BAZ2A: variants seen among roughly 807,000 people sequenced by gnomAD.
The protein encoded by BAZ2A is bromodomain adjacent to zinc finger domain protein 2A.
Under a neutral mutation model 199.9 loss-of-function variants are expected in BAZ2A, and 34 were observed. That is an observed-to-expected ratio of 0.17 (90% CI 0.13 to 0.23). BAZ2A has a LOEUF of 0.23. Among genes scored for constraint, BAZ2A ranks in the 10% least tolerant of loss-of-function variants. The pLI is 1.00. For synonymous variants in BAZ2A, 857 were observed against 883.9 expected, an observed-to-expected ratio of 0.97 and a Z score of 0.54; for missense variants, 2,002 against 2,391.1, an observed-to-expected ratio of 0.84 and a Z score of 3.39.
At position 56,602,171 on chromosome 12, in the gene BAZ2A, T is replaced by C. The variant is rs1329331820; in HGVS notation, c.3446A>G (p.Lys1149Arg). 2 of 1,586,958 alleles carry C rather than the reference T, an allele frequency of 1.3e-6. No individual in the cohort carries two copies. Among genetic ancestry groups the C allele is most frequent in the Non-Finnish European group, 1.7e-6 (2 of 1,165,948 alleles). ...GNLVPEEVIK[K>R]ETDSLKVAAH... ...TGCCACTTTTAAGGAGTCAGTTTCC[T>C]TCTTTATCACCTCCTCAGGAACTGT... is the stretch of plus-strand genomic sequence containing the variant. The change falls in exon 20 of 29, where the codon AAG (lysine) becomes AGG (arginine). Residue 1149 changes from lysine to arginine, a missense_variant. Physicochemically the swap from Lys to Arg is conservative, Grantham distance 26. This residue lies in a region of BAZ2A where 1,081 missense variants were observed against 1,274.7 expected (regional missense o/e 0.85). Coordinates refer to ENST00000549884, the MANE Select transcript of BAZ2A (RefSeq NM_001300905.2).
chr12:56,611,419 C>T (rs1950553287), intron 7 of BAZ2A, 154 bp downstream of exon 7: 1 of 735,722 alleles, frequency 1.4e-6, no homozygotes, highest in Non-Finnish European at 2.3e-6. Context: ...AATCTCATGC[C>T]AAGAAACATT....
intron 1 of BAZ2A, among the ~76,000 whole-genome samples, chr12:56,623,790 T>C (rs1950998694): frequency 6.6e-6 from 1 of 152,178 alleles, no homozygotes; most frequent in Non-Finnish European, 1.5e-5. Context: ...GCCCACGTTA[T>C]CAATAGTGCC....
upstream of BAZ2A, chr12:56,638,140 T>C (rs1951484466): frequency 1.2e-5 from 7 of 581,148 alleles, no homozygotes; most frequent in Admixed American, 2.2e-4. Flanking sequence ...CCTTCAGTGT[T>C]GACTATGTTG....
Position 56,601,831 on chromosome 12 carries a change from G to A in BAZ2A, c.3786C>T (p.Leu1262=), listed in dbSNP as rs759593022. The A allele has an allele frequency of 3.7e-6, 6 of 1,614,030 alleles. No homozygotes were observed. The highest frequency in any genetic ancestry group is 1.1e-5 in the South Asian group (1 of 91,088). Residue 1262 remains leucine, a synonymous_variant, in exon 20 of 29, where the codon CTC becomes CTT. Coordinates refer to ENST00000549884, the MANE Select transcript of BAZ2A (RefSeq NM_001300905.2). ...PLSLGQSQHD[L]SQSAFLSWLS... The stretch of plus-strand genomic sequence containing the variant: ...GCCAAGACAGGAAGGCTGACTGGCT[G>A]AGGTCATGCTGGCTCTGACCCAGTG...
Position 56,601,378 on chromosome 12 carries a change from G to C in BAZ2A, c.4096C>G (p.Pro1366Ala). 6.2e-7 allele frequency: 1 copy of C among 1,613,788 alleles called. No homozygotes were observed. Among genetic ancestry groups the C allele is most frequent in the Non-Finnish European group, 8.5e-7 (1 of 1,179,800 alleles). ...GAAGAGAACTGCACTGGAGAACAAG[G>C]GTTGGCAGCACTAGGTCTATTCATC... ...KPMNRPSAANPCSPVQFSSTP... is the reference protein window; with the variant it reads ...KPMNRPSAANACSPVQFSSTP... Residue 1366 changes from proline (P) to alanine (A), a missense_variant, in exon 21 of 29, where the codon CCT (proline) becomes GCT (alanine). By Grantham distance (27) the Pro-to-Ala change is conservative (BLOSUM62 -1). Around this residue, in one of 6 missense-constraint regions of BAZ2A, gnomAD observed 1,081 missense variants for 1,274.7 expected, o/e 0.85. Transcript: ENST00000549884.
At chr12:56,599,873 G>C in intron 25 of BAZ2A, 25 bp from the exon 26 acceptor site, 1 of 1,613,818 alleles carries the variant, frequency 6.2e-7, no homozygotes, top group Non-Finnish European at 8.5e-7. Context: ...TGAGGAGGCA[G>C]AATGAGCTCT....
intron 5 of BAZ2A, 65 bp from the exon 6 acceptor site, chr12:56,612,311 C>T: frequency 5.7e-6 from 8 of 1,403,760 alleles, no homozygotes; most frequent in Non-Finnish European, 7.7e-6. Context: ...ACAAGAGAAT[C>T]TACTCAGTCA....
upstream of BAZ2A, among the ~76,000 whole-genome samples, chr12:56,634,042 C>A (rs536471628): frequency 1.2e-4 from 19 of 152,332 alleles, no homozygotes; most frequent in African/African-American, 4.6e-4. Flanking sequence ...CCCTTCTCCC[C>A]TTTAAGTCGA....
chr12:56,604,198 C>T lies in BAZ2A; in HGVS notation c.3038+19G>A. 1 of 1,593,822 alleles carries T rather than the reference C, an allele frequency of 6.3e-7. No individual in the cohort carries two copies. Among genetic ancestry groups the T allele is most frequent in the Non-Finnish European group, 8.6e-7 (1 of 1,168,150 alleles). On this transcript the variant is annotated intron_variant, in intron 16 of 28. Coordinates refer to ENST00000549884, the MANE Select transcript of BAZ2A (RefSeq NM_001300905.2). The stretch of plus-strand genomic sequence containing the variant: ...CACTTCTCTCCTCTCTGAGGCTCTA[C>T]TCTCTGTCTGGTCCCTACCTCCGGA...
chr12:56,609,694 C>T (rs775316628), intron 10 of BAZ2A, 42 bp downstream of exon 10: 10 of 1,574,306 alleles, frequency 6.4e-6, no homozygotes, highest in Non-Finnish European at 8.7e-6. Flanking sequence ...TTAGATACCT[C>T]ATGGAGGGAG....
At position 56,598,437 on chromosome 12, in the gene BAZ2A, G is replaced by T; in HGVS notation, c.*181C>A. 2 of 731,464 alleles carry T rather than the reference G, an allele frequency of 2.7e-6. No homozygotes were observed. The highest frequency in any genetic ancestry group is 4.4e-6 in the Non-Finnish European group (2 of 458,586). The allele number at this position is 731,464 out of a possible 1,614,324, so 45.3% of individuals were successfully genotyped here. ...ACCTCTTACTTGAGGAGCAAGAGGA[G>T]GGAAGGGAGAAAGGGATGTAGGAAT... On this transcript the variant is annotated 3_prime_UTR_variant, in exon 29 of 29. Coordinates refer to ENST00000549884, the MANE Select transcript of BAZ2A (RefSeq NM_001300905.2).
Position 56,604,918 on chromosome 12 carries a change from G to A in BAZ2A, c.2749-119C>T, listed in dbSNP as rs901394688. ...ATGGGGGTTAAGACAGAATACGAAA[G>A]AAGACCACAAAAGAAAAGGAAAAAA... On this transcript the variant is annotated intron_variant, in intron 14 of 28. Coordinates refer to ENST00000549884, the MANE Select transcript of BAZ2A (RefSeq NM_001300905.2). 11 of 1,365,048 alleles carry A rather than the reference G, an allele frequency of 8.1e-6. No individual in the cohort carries two copies. The East Asian group carries it at 1.5e-4, about 19-fold the overall frequency. 84.6% of individuals were successfully genotyped at this position (1,365,048 alleles called of 1,614,324 possible).
At chr12:56,611,252 T>C (rs1950549333) in intron 7 of BAZ2A, 2 of 446,268 alleles carry the variant, frequency 4.5e-6, no homozygotes, top group African/African-American at 2.0e-5. Flanking sequence ...TACTATCCCT[T>C]GTCCACAGAA....
rs760650250 is a variant in BAZ2A at position 56,603,594 on chromosome 12, T to TGGTCTC, written c.3139_3144dup (p.Glu1047_Thr1048dup). The TGGTCTC allele has an allele frequency of 1.2e-6, 2 of 1,614,088 alleles. No individual in the cohort carries two copies. The highest frequency in any genetic ancestry group is 2.2e-5 in the South Asian group (2 of 91,086). ...TCTTCTTCCTCTTCTTCCATGCCACTGGTCTCCTCCATGATCCGAGAACTG... is the reference window on the plus strand; with the variant it reads ...TCTTCTTCCTCTTCTTCCATGCCACTGGTCTCGGTCTCCTCCATGATCCGAGAACTG... On this transcript the variant is annotated inframe_insertion, in exon 17 of 29. Coordinates refer to ENST00000549884, the MANE Select transcript of BAZ2A (RefSeq NM_001300905.2).
At chr12:56,620,488 G>A (rs574788799) in intron 1 of BAZ2A, among the ~76,000 whole-genome samples, 44 of 151,588 alleles carry the variant, frequency 2.9e-4, no homozygotes, top group Admixed American at 2.3e-3. Context: ...GTGACAGAGC[G>A]AAACCCTGTC....
chr12:56,614,342 G>A lies in BAZ2A; in HGVS notation c.731-204C>T, dbSNP rs557165091. Reference sequence around the variant, plus strand: ...ATCAATCCTACAGCAGGCAAAGAGAGGAAAAGAGAGTGGGGTCTGATACAA... The same window carrying A: ...ATCAATCCTACAGCAGGCAAAGAGAAGAAAAGAGAGTGGGGTCTGATACAA... On this transcript the variant is annotated intron_variant, in intron 3 of 28. Transcript: ENST00000549884. The A allele has an allele frequency of 1.7e-5, 9 of 522,394 alleles. No homozygotes were observed. In the South Asian group the frequency reaches 2.7e-4, roughly 16 times the overall value. 32.4% of individuals were successfully genotyped at this position (522,394 alleles called of 1,614,324 possible).
intron 1 of BAZ2A, among the ~76,000 whole-genome samples, chr12:56,628,639 C>A (rs565053065): frequency 3.9e-5 from 6 of 152,302 alleles, no homozygotes; most frequent in Admixed American, 6.5e-5. Flanking sequence ...TCAGTCCCTA[C>A]CCCCGACACA....
At chr12:56,619,883 C>T (rs370979586) in intron 1 of BAZ2A, among the ~76,000 whole-genome samples, 2 of 152,212 alleles carry the variant, frequency 1.3e-5, no homozygotes. Context: ...GTGGTTCCTG[C>T]CTGTAGTCTC....
At position 56,606,737 on chromosome 12, in the gene BAZ2A, T is replaced by C. The variant is rs960960734; in HGVS notation, c.2093-4A>G. On this transcript the variant is annotated splice_region_variant and splice_polypyrimidine_tract_variant and intron_variant, in intron 10 of 28. Coordinates refer to ENST00000549884, the MANE Select transcript of BAZ2A (RefSeq NM_001300905.2). ...TTATCCTCCTCATTCAATGTTTCTG[T>C]GAGAGCAGAAAGAAAAATGAAACAA... The C allele has an allele frequency of 9.3e-6, 15 of 1,610,824 alleles. No individual in the cohort carries two copies. Among genetic ancestry groups the C allele is most frequent in the Middle Eastern group, 1.6e-4 (1 of 6,076 alleles).
Sources: allele counts gnomAD v4.1 joint callset (sites outside exome capture counted in the v4.1 genomes callset), GRCh38; gene constraint gnomAD v4.1.1; regional missense constraint gnomAD v4.1.1; transcripts MANE v1.5; gene names NCBI Gene and HGNC (gene_info 2026-07-23, HGNC 2026-07-21).